The following LRRC43 variants were observed in gnomAD, a reference collection of about 807,000 sequenced individuals.
LRRC43 encodes leucine-rich repeat-containing protein 43.
In LRRC43, 62 loss-of-function variants were observed where a neutral mutation model predicts 64.3. That is an observed-to-expected ratio of 0.96 (90% confidence interval 0.79 to 1.19). The LOEUF is 1.19. Among genes scored for constraint, LRRC43 ranks in the 50% most tolerant of loss-of-function variants. The pLI is 0.00. For synonymous variants in LRRC43, 422 were observed against 382.3 expected (o/e 1.10, Z -1.21); for missense variants, 868 against 845.0 (o/e 1.03, Z -0.34).
upstream of LRRC43, among the ~76,000 whole-genome samples, chr12:122,180,097 T>C (rs1275956205): frequency 6.6e-6 from 1 of 151,522 alleles, no homozygotes; most frequent in Non-Finnish European, 1.5e-5. Context: ...CATGAAGAGG[T>C]CAAATAAGAT....
At chr12:122,176,750 G>T (rs1473185024) in intron 1 of LRRC43, among the ~76,000 whole-genome samples, 2 of 151,798 alleles carry the variant, frequency 1.3e-5, no homozygotes, top group African/African-American at 2.4e-5. Flanking sequence ...CACCTCCCCT[G>T]TTCAAGCAAT....
At position 122,186,120 on chromosome 12, in the gene LRRC43, T is replaced by C. The variant is rs747474468; in HGVS notation, c.412-70T>C. 4 of 825,276 alleles carry C rather than the reference T, an allele frequency of 4.8e-6. No individual in the cohort carries two copies. In the Admixed American group the frequency reaches 8.3e-5, roughly 17 times the overall value. 51.1% of individuals were successfully genotyped at this position (825,276 alleles called of 1,614,324 possible). A position where few individuals can be genotyped will look rare whatever the true frequency, so the allele number is the denominator to read the frequency against. ...GATGGAGGAGCCGCTGTCTTCCTAA[T>C]GTGGACATGGGTTCTGTGCCCGTGC... On this transcript the variant is annotated intron_variant, in intron 2 of 11. Transcript: ENST00000339777.
chr12:122,175,257 C>T (rs963009500), intron 1 of LRRC43, among the ~76,000 whole-genome samples: 2 of 151,938 alleles, frequency 1.3e-5, no homozygotes, highest in African/African-American at 4.8e-5. Context: ...GCAACCTCCA[C>T]TTCCCAGGTT....
intron 7 of LRRC43, among the ~76,000 whole-genome samples, chr12:122,198,978 C>A (rs1343879179): frequency 7.3e-6 from 1 of 137,592 alleles, no homozygotes; most frequent in East Asian, 2.8e-4. Context: ...TATGTACTTT[C>A]ACGATTTTTT....
chr12:122,172,605 T>A, intron 1 of LRRC43: 1 of 1,614,084 alleles, frequency 6.2e-7, no homozygotes, highest in Non-Finnish European at 8.5e-7. Flanking sequence ...AATAACAGAT[T>A]TGTTGTCTAG....
chr12:122,172,281 T>G, intron 1 of LRRC43: 1 of 669,966 alleles, frequency 1.5e-6, no homozygotes, highest in East Asian at 2.6e-5. Flanking sequence ...GACTAGCCCA[T>G]ATGAGGGGTC....
At position 122,200,872 on chromosome 12, in the gene LRRC43, T is replaced by C. The variant is rs1420277136; in HGVS notation, c.1747T>C (p.Ser583Pro). Reference sequence around the variant, plus strand: ...CCTGCTCGCCGGGGAGCCCCTGGTGTCCACCGTGTGCAACTTCGGCGTGGT... The same window carrying C: ...CCTGCTCGCCGGGGAGCCCCTGGTGCCCACCGTGTGCAACTTCGGCGTGGT... ...EPLLAGEPLVSTVCNFGVVRT... is the reference protein window; with the variant it reads ...EPLLAGEPLVPTVCNFGVVRT... The change falls in exon 10 of 12, where the codon TCC becomes CCC. Residue 583 changes from serine (S) to proline (P), a missense_variant. Transcript: ENST00000339777. The surrounding 1 kb of genome is among the most constrained non-coding windows in gnomAD (Gnocchi z 4.6). The C allele has an allele frequency of 6.2e-7, 1 of 1,612,968 alleles. No homozygotes were observed. The highest frequency in any genetic ancestry group is 1.1e-5 in the South Asian group (1 of 91,032).
chr12:122,192,805 G>A lies in LRRC43; in HGVS notation c.1150G>A (p.Glu384Lys), dbSNP rs1182856709. The change falls in exon 7 of 12, where the codon GAA becomes AAA. Residue 384 changes from glutamate (E) to lysine (K), a missense_variant. Coordinates refer to ENST00000339777, the MANE Select transcript of LRRC43 (RefSeq NM_001098519.2). ...LVEESPEEVV[E>K]DVIEDIVEEV... Reference sequence around the variant, plus strand: ...TGAGGAATCTCCTGAAGAGGTCGTGGAAGACGTCATCGAAGACATTGTTGA... The same window carrying A: ...TGAGGAATCTCCTGAAGAGGTCGTGAAAGACGTCATCGAAGACATTGTTGA... The A allele has an allele frequency of 6.2e-7, 1 of 1,614,174 alleles. No homozygotes were observed. The highest frequency in any genetic ancestry group is 1.7e-5 in the Admixed American group (1 of 60,020).
chr12:122,192,271 G>A (rs1953726944), intron 6 of LRRC43, among the ~76,000 whole-genome samples: 1 of 152,158 alleles, frequency 6.6e-6, no homozygotes, highest in Non-Finnish European at 1.5e-5. Flanking sequence ...TGAGTAGCTG[G>A]GATTACAGGC....
chr12:122,170,151 A>G (rs1953472632), intron 1 of LRRC43, among the ~76,000 whole-genome samples: 1 of 152,084 alleles, frequency 6.6e-6, no homozygotes, highest in Non-Finnish European at 1.5e-5. Context: ...TATTTACTTT[A>G]TTCTTTGAAA....
At chr12:122,188,666 C>G (rs1287605390) in intron 4 of LRRC43, among the ~76,000 whole-genome samples, 1 of 151,992 alleles carries the variant, frequency 6.6e-6, no homozygotes, top group African/African-American at 2.4e-5. Flanking sequence ...GTCTCGAACT[C>G]CTGACCTCAA....
intron 1 of LRRC43, among the ~76,000 whole-genome samples, chr12:122,168,594 A>C (rs747876674): frequency 1.3e-5 from 2 of 152,092 alleles, no homozygotes; most frequent in Non-Finnish European, 2.9e-5. Flanking sequence ...GACCTATTTT[A>C]AGTAATTTTA....
intron 11 of LRRC43, 128 bp downstream of exon 11, chr12:122,201,457 C>G: frequency 2.5e-6 from 2 of 790,914 alleles, no homozygotes; most frequent in South Asian, 2.9e-5. Flanking sequence ...GAGGCCACAT[C>G]CCCCCTTAGA....
intron 1 of LRRC43, among the ~76,000 whole-genome samples, chr12:122,183,805 G>T (rs904029372): frequency 2.6e-5 from 4 of 152,116 alleles, no homozygotes; most frequent in Non-Finnish European, 5.9e-5. Flanking sequence ...GCCCAGGAAG[G>T]CTTACTGCCC....
chr12:122,175,589 G>A (rs1285764661), intron 1 of LRRC43, among the ~76,000 whole-genome samples: 1 of 149,294 alleles, frequency 6.7e-6, no homozygotes, highest in Admixed American at 6.7e-5. Flanking sequence ...CGGCAGCCCC[G>A]ATCCCCTGGG....
rs1953597718 is a variant in LRRC43 at position 122,183,135 on chromosome 12, G to C, written c.-10G>C. 1.3e-6 allele frequency: 2 copies of C among 1,535,930 alleles called. No homozygotes were observed. The highest frequency in any genetic ancestry group is 2.8e-5 in the African/African-American group (2 of 71,686). On this transcript the variant is annotated 5_prime_UTR_variant, in exon 1 of 12. Coordinates refer to ENST00000339777, the MANE Select transcript of LRRC43 (RefSeq NM_001098519.2). ...CGTCCTAGCGGTTGCCGGGCAACGCGGCCCGGGCCATGGAGGCGTCGTACG... is the reference window on the plus strand; with the variant it reads ...CGTCCTAGCGGTTGCCGGGCAACGCCGCCCGGGCCATGGAGGCGTCGTACG...
chr12:122,174,641 GA>G (rs924814247), intron 1 of LRRC43, among the ~76,000 whole-genome samples: 3 of 152,136 alleles, frequency 2.0e-5, no homozygotes, highest in Non-Finnish European at 4.4e-5. Context: ...GGTATCTCTG[GA>G]AATTTCTGCA....
intron 1 of LRRC43, among the ~76,000 whole-genome samples, chr12:122,170,875 C>T (rs1195631931): frequency 6.6e-6 from 1 of 151,974 alleles, no homozygotes; most frequent in Non-Finnish European, 1.5e-5. Context: ...CCCTGGAGGG[C>T]CCCATAAAGC....
In LRRC43 at chr12:122,200,857, G is replaced by A. The variant is rs747129402; in HGVS notation, c.1732G>A (p.Gly578Arg). 45 of 1,612,874 alleles carry A rather than the reference G, an allele frequency of 2.8e-5. No individual in the cohort carries two copies. The highest frequency in any genetic ancestry group is 1.1e-4 in the African/African-American group (8 of 74,920). Residue 578 changes from glycine (G) to arginine (R), a missense_variant, in exon 10 of 12, where the codon GGG becomes AGG. Gly to Arg is a moderately radical substitution (Grantham distance 125). Transcript: ENST00000339777. This position sits in a 1 kb window ranked among gnomAD's most constrained non-coding sequence, Gnocchi z 4.6. ...GLVILEPLLA[G>R]EPLVSTVCNF... The stretch of plus-strand genomic sequence containing the variant: ...GGTGATCCTGGAGCCCCTGCTCGCC[G>A]GGGAGCCCCTGGTGTCCACCGTGTG...
Sources: gnomAD v4.1 joint callset for allele counts (sites outside exome capture counted in the v4.1 genomes callset) on GRCh38, gnomAD v4.1.1 for gene constraint, Gnocchi (gnomAD v3.1) non-coding constraint, MANE v1.5 for transcripts, NCBI Gene and HGNC (gene_info 2026-07-23, HGNC 2026-07-21) for gene names.